Variants in CAB39 observed in about 807,000 individuals in gnomAD.
The protein encoded by CAB39 is calcium binding protein 39.
A neutral mutation model predicts 40.0 loss-of-function variants in CAB39; 8 were observed. The observed-to-expected ratio is 0.20, with a 90% CI of 0.12 to 0.36. The LOEUF (loss-of-function observed/expected upper bound fraction) is 0.36, where lower values mean the gene tolerates loss of function less well. Ranked by LOEUF, CAB39 falls within the 10% of genes least tolerant of loss-of-function variation. The pLI is 1.00. For missense variants in CAB39, 270 were observed against 401.1 expected, an observed-to-expected ratio of 0.67 and a Z score of 2.79; for synonymous variants, 156 against 141.6, an observed-to-expected ratio of 1.10 and a Z score of -0.72.
chr2:230,740,487 A>G (rs796890811), intron 1 of CAB39, among the ~76,000 whole-genome samples: 48 of 152,366 alleles, frequency 3.2e-4, no homozygotes, highest in African/African-American at 1.1e-3. Context: ...ATGCAGTAAT[A>G]CAGCAGACCC....
At chr2:230,754,401 T>A (rs1695150114) in intron 1 of CAB39, among the ~76,000 whole-genome samples, 1 of 131,694 alleles carries the variant, frequency 7.6e-6, no homozygotes, top group Non-Finnish European at 1.6e-5. Context: ...TTCTTCCCCT[T>A]CCCCTCCTTC....
At chr2:230,799,887 G>A (rs1006424529) in intron 5 of CAB39, among the ~76,000 whole-genome samples, 2 of 152,002 alleles carry the variant, frequency 1.3e-5, no homozygotes, top group Admixed American at 1.3e-4. Context: ...CTACTCGGGA[G>A]GCTGAGGCAG....
chr2:230,752,010 A>G (rs1575920773), intron 1 of CAB39: 1 of 146,298 alleles, frequency 6.8e-6, no homozygotes, highest in African/African-American at 2.5e-5. Context: ...GTAGATGGAA[A>G]GAGTTTCATA....
At chr2:230,748,813 GAAAAAAA>G (rs759314442) in intron 1 of CAB39, among the ~76,000 whole-genome samples, 27 of 31,768 alleles carry the variant, frequency 8.5e-4, no homozygotes, top group Non-Finnish European at 1.3e-3. Flanking sequence ...TTTCCAAAAA[GAAAAAAA>G]AAAAAAAAAA....
chr2:230,724,285 T>C (rs2124859939), intron 1 of CAB39, among the ~76,000 whole-genome samples: 1 of 151,750 alleles, frequency 6.6e-6, no homozygotes, highest in African/African-American at 2.4e-5. Context: ...GCATAAAGAT[T>C]CTGTACTTGT....
intron 1 of CAB39, among the ~76,000 whole-genome samples, chr2:230,750,603 C>T (rs1695068833): frequency 6.6e-6 from 1 of 151,948 alleles, no homozygotes; most frequent in Non-Finnish European, 1.5e-5. Flanking sequence ...ATGTAGTTCT[C>T]AATTTTGTTT....
At chr2:230,751,531 G>A (rs1695085536) in intron 1 of CAB39, among the ~76,000 whole-genome samples, 1 of 152,130 alleles carries the variant, frequency 6.6e-6, no homozygotes, top group Admixed American at 6.5e-5. Flanking sequence ...GTCACATAAC[G>A]CAAAAGCAGT....
At chr2:230,787,934 A>G (rs904675333) in intron 2 of CAB39, among the ~76,000 whole-genome samples, 3 of 152,232 alleles carry the variant, frequency 2.0e-5, no homozygotes, top group African/African-American at 4.8e-5. Flanking sequence ...AAATTTGTCT[A>G]ACAACTATCT....
intron 5 of CAB39, among the ~76,000 whole-genome samples, chr2:230,803,859 A>G (rs1488312248): frequency 6.6e-6 from 1 of 152,238 alleles, no homozygotes; most frequent in East Asian, 1.9e-4. Flanking sequence ...ATTCCCATCA[A>G]GCTACCACTG....
At position 230,818,766 on chromosome 2, in the gene CAB39, G is replaced by T; in HGVS notation, c.*62G>T. Reference sequence around the variant, plus strand: ...ATTTGCTGTTAGCTATTCAGCATCAGGCACTCTTATTGATTCATGAGGAAC... The same window carrying T: ...ATTTGCTGTTAGCTATTCAGCATCATGCACTCTTATTGATTCATGAGGAAC... On this transcript the variant is annotated 3_prime_UTR_variant, in exon 9 of 9. Transcript: ENST00000258418. 1.5e-6 allele frequency: 2 copies of T among 1,300,290 alleles called. No individual in the cohort carries two copies. The highest frequency in any genetic ancestry group is 2.2e-6 in the Non-Finnish European group (2 of 913,508). The allele number at this position is 1,300,290 out of a possible 1,614,324, so 80.5% of individuals were successfully genotyped here.
intron 2 of CAB39, among the ~76,000 whole-genome samples, chr2:230,772,684 A>G (rs993223981): frequency 6.6e-6 from 1 of 151,852 alleles, no homozygotes; most frequent in African/African-American, 2.4e-5. Flanking sequence ...ACGGGGTTTC[A>G]CCGTGTTAGC....
chr2:230,810,117 C>G (rs1482028829), intron 5 of CAB39, 146 bp from the exon 6 acceptor site: 1 of 501,080 alleles, frequency 2.0e-6, no homozygotes, highest in Non-Finnish European at 3.6e-6. Context: ...CTTATAGAAT[C>G]AGTGTTTTAA....
At chr2:230,741,993 A>G (rs1208294750) in intron 1 of CAB39, among the ~76,000 whole-genome samples, 1 of 152,232 alleles carries the variant, frequency 6.6e-6, no homozygotes, top group Non-Finnish European at 1.5e-5. Flanking sequence ...ATGAGATGCT[A>G]CTAGAATGGC....
At chr2:230,744,440 C>T (rs750304310) in intron 1 of CAB39, among the ~76,000 whole-genome samples, 34 of 152,124 alleles carry the variant, frequency 2.2e-4, no homozygotes, top group Non-Finnish European at 4.3e-4. Flanking sequence ...AATACAAGCA[C>T]GTGACACCAT....
chr2:230,809,765 C>G (rs555260720), intron 5 of CAB39, among the ~76,000 whole-genome samples: 5 of 152,098 alleles, frequency 3.3e-5, no homozygotes, highest in African/African-American at 1.2e-4. Context: ...AAAAAATTTG[C>G]GTTAGCTATG....
intron 2 of CAB39, among the ~76,000 whole-genome samples, chr2:230,765,625 A>G (rs1457609600): frequency 2.6e-5 from 4 of 152,094 alleles, no homozygotes; most frequent in African/African-American, 9.7e-5. Context: ...CTCTGATGCA[A>G]TCCATATCAT....
At chr2:230,721,595 G>A (rs1310219720) in intron 1 of CAB39, among the ~76,000 whole-genome samples, 1 of 152,202 alleles carries the variant, frequency 6.6e-6, no homozygotes, top group Admixed American at 6.5e-5. Context: ...TCGCAGATAA[G>A]TTCCACGTAA....
At chr2:230,749,857 C>A (rs974608659) in intron 1 of CAB39, among the ~76,000 whole-genome samples, 2 of 152,192 alleles carry the variant, frequency 1.3e-5, no homozygotes, top group African/African-American at 4.8e-5. Flanking sequence ...TTTACTGATA[C>A]ATATGAATAT....
intron 4 of CAB39, 127 bp downstream of exon 4, chr2:230,793,458 T>C: frequency 4.4e-6 from 2 of 449,868 alleles, no homozygotes; most frequent in Non-Finnish European, 8.0e-6. Context: ...TCCATAGATT[T>C]TGAACACATT....
Sources: allele counts gnomAD v4.1 joint callset (sites outside exome capture counted in the v4.1 genomes callset), GRCh38; gene constraint gnomAD v4.1.1; transcripts MANE v1.5; gene names NCBI Gene and HGNC (gene_info 2026-07-23, HGNC 2026-07-21).